The following ANO2 variants were observed in gnomAD, a reference collection of about 807,000 sequenced individuals.
ANO2 encodes anoctamin-2.
A neutral mutation model predicts 124.2 loss-of-function variants in ANO2; 101 were observed. That is an observed-to-expected ratio of 0.81 (90% confidence interval 0.69 to 0.96). The LOEUF is 0.96. ANO2 is among the 40% of genes least tolerant of loss of function. The probability of loss-of-function intolerance (pLI) is 0.00; values close to 1 mark genes in which losing one functional copy is unlikely to be tolerated. For synonymous variants in ANO2, 486 were observed against 482.5 expected (o/e 1.01, Z -0.09); for missense variants, 1,293 against 1,274.5 (o/e 1.01, Z -0.22).
chr12:5,665,116 A>C (rs1947634833), intron 14 of ANO2, among the ~76,000 whole-genome samples: 1 of 151,980 alleles, frequency 6.6e-6, no homozygotes, highest in Non-Finnish European at 1.5e-5. Context: ...CATGCCCTTC[A>C]GCTCCGTTTC....
chr12:5,618,062 C>A (rs1944921751), intron 16 of ANO2, among the ~76,000 whole-genome samples: 1 of 152,166 alleles, frequency 6.6e-6, no homozygotes, highest in Non-Finnish European at 1.5e-5. Context: ...TGCTCATGAA[C>A]AGGTTAATGC....
intron 16 of ANO2, among the ~76,000 whole-genome samples, chr12:5,628,637 A>G (rs1945531665): frequency 6.6e-6 from 1 of 152,012 alleles, no homozygotes; most frequent in Non-Finnish European, 1.5e-5. Flanking sequence ...TAAAGTGCTT[A>G]GAACAGTGTT....
At chr12:5,810,666 C>T (rs943255638) in intron 7 of ANO2, among the ~76,000 whole-genome samples, 4 of 152,196 alleles carry the variant, frequency 2.6e-5, no homozygotes, top group Non-Finnish European at 4.4e-5. Flanking sequence ...ACAGGAACAA[C>T]GTCTCAGCTC....
chr12:5,774,449 G>C (rs1337690047), intron 10 of ANO2, among the ~76,000 whole-genome samples: 1 of 152,182 alleles, frequency 6.6e-6, no homozygotes, highest in Non-Finnish European at 1.5e-5. Flanking sequence ...CTGGGAAACA[G>C]TGTGAGACCA....
At chr12:5,618,211 G>C (rs12368092) in intron 16 of ANO2, among the ~76,000 whole-genome samples, 11,311 of 152,224 alleles carry the variant, frequency 0.074, 566 homozygotes, top group Non-Finnish European at 0.11. Flanking sequence ...TAACTCCCTG[G>C]CTCTTCCAGC....
At chr12:5,867,685 T>C (rs889081153) in intron 3 of ANO2, among the ~76,000 whole-genome samples, 1 of 147,214 alleles carries the variant, frequency 6.8e-6, no homozygotes, top group Non-Finnish European at 1.5e-5. Flanking sequence ...ACTTGGATTA[T>C]GAATAAAGGC....
intron 3 of ANO2, among the ~76,000 whole-genome samples, chr12:5,897,555 C>G (rs965210088): frequency 1.3e-5 from 2 of 152,058 alleles, no homozygotes; most frequent in Admixed American, 6.5e-5. Flanking sequence ...GTCAAACAGA[C>G]TAAGAGAATA....
At chr12:5,842,663 C>T (rs1264730524) in intron 4 of ANO2, among the ~76,000 whole-genome samples, 1 of 152,212 alleles carries the variant, frequency 6.6e-6, no homozygotes, top group Non-Finnish European at 1.5e-5. Flanking sequence ...GTGGGTGCTG[C>T]TGATAAAACG....
At chr12:5,721,331 AC>A (rs1950227533) in intron 14 of ANO2, among the ~76,000 whole-genome samples, 1 of 152,190 alleles carries the variant, frequency 6.6e-6, no homozygotes, top group African/African-American at 2.4e-5. Flanking sequence ...AAGCCAGCCC[AC>A]CTGGCACTTT....
At chr12:5,624,679 G>A (rs1321255222) in intron 16 of ANO2, among the ~76,000 whole-genome samples, 2 of 152,182 alleles carry the variant, frequency 1.3e-5, no homozygotes, top group African/African-American at 4.8e-5. Flanking sequence ...GGCCCCAGCT[G>A]TGCAGTGGTG....
chr12:5,623,768 G>A (rs1945247923), intron 16 of ANO2, among the ~76,000 whole-genome samples: 1 of 152,196 alleles, frequency 6.6e-6, no homozygotes, highest in Admixed American at 6.5e-5. Flanking sequence ...AGATGCCCAA[G>A]CAAAAGTGCC....
intron 20 of ANO2, among the ~76,000 whole-genome samples, chr12:5,591,040 G>C (rs543201254): frequency 6.6e-6 from 1 of 152,128 alleles, no homozygotes; most frequent in African/African-American, 2.4e-5. Flanking sequence ...AATTAGCAGG[G>C]CGTGACGGGA....
At chr12:5,726,381 G>A (rs753394336) in intron 14 of ANO2, among the ~76,000 whole-genome samples, 11 of 152,172 alleles carry the variant, frequency 7.2e-5, no homozygotes, top group Non-Finnish European at 1.5e-4. Flanking sequence ...CATCTTTCCA[G>A]TGAATACCAC....
At chr12:5,886,350 T>G (rs1276397035) in intron 3 of ANO2, among the ~76,000 whole-genome samples, 1 of 152,188 alleles carries the variant, frequency 6.6e-6, no homozygotes, top group African/African-American at 2.4e-5. Context: ...TGGAGGACAT[T>G]ATGCTATGTG....
intron 3 of ANO2, among the ~76,000 whole-genome samples, chr12:5,854,417 A>AT (rs1241098211): frequency 6.6e-6 from 1 of 151,526 alleles, no homozygotes; most frequent in South Asian, 2.1e-4. Flanking sequence ...AAAAAAAAAA[A>AT]AAACAAGTTA....
At chr12:5,672,280 GA>G (rs1287232448) in intron 14 of ANO2, among the ~76,000 whole-genome samples, 3 of 152,188 alleles carry the variant, frequency 2.0e-5, no homozygotes, top group East Asian at 1.9e-4. Flanking sequence ...TAAGGCCCTG[GA>G]AAAAAAGTCA....
rs546594650 is a variant in ANO2 at position 5,832,537 on chromosome 12, A to G, written c.700T>C (p.Ser234Pro). The change falls in exon 5 of 25, where the codon TCG becomes CCG. Residue 234 changes from serine to proline, a missense_variant. Ser to Pro is a moderately conservative substitution (Grantham distance 74, BLOSUM62 -1). Coordinates refer to ENST00000682330, the MANE Select transcript of ANO2 (RefSeq NM_001364791.2). Reference protein sequence around the residue: ...KFSAALQKLSSHLQPRVPEHS... With the variant: ...KFSAALQKLSPHLQPRVPEHS... ...TCTGGAACTCGGGGCTGCAGGTGCG[A>G]GCTCAGCTTCTGCAGAGCCGCGCTG... 1.2e-6 allele frequency: 2 copies of G among 1,613,856 alleles called. No homozygotes were observed. The highest frequency in any genetic ancestry group is 2.2e-5 in the South Asian group (2 of 91,070).
intron 10 of ANO2, among the ~76,000 whole-genome samples, chr12:5,758,149 A>G (rs998559714): frequency 2.0e-5 from 3 of 152,160 alleles, no homozygotes; most frequent in Non-Finnish European, 4.4e-5. Flanking sequence ...CTGAAGCCCG[A>G]GATGGGTTGC....
At position 5,563,233 on chromosome 12, in the gene ANO2, G is replaced by T; in HGVS notation, c.*66C>A. 6.6e-7 allele frequency: 1 copy of T among 1,519,378 alleles called. No homozygotes were observed. 94.1% of individuals were successfully genotyped at this position (1,519,378 alleles called of 1,614,324 possible). Reference sequence around the variant, plus strand: ...ACAGACAGCACGCCATGTGGGTGTAGGAACATGCTTACGTGCATGTGCGTG... The same window carrying T: ...ACAGACAGCACGCCATGTGGGTGTATGAACATGCTTACGTGCATGTGCGTG... On this transcript the variant is annotated 3_prime_UTR_variant, in exon 25 of 25. Coordinates refer to ENST00000682330, the MANE Select transcript of ANO2 (RefSeq NM_001364791.2).
Sources: allele counts gnomAD v4.1 joint callset (sites outside exome capture counted in the v4.1 genomes callset), GRCh38; gene constraint gnomAD v4.1.1; transcripts MANE v1.5; gene names NCBI Gene and HGNC (gene_info 2026-07-23, HGNC 2026-07-21).